ABCA13: variants seen among roughly 807,000 people sequenced by gnomAD.
ABCA13 encodes the protein ATP binding cassette subfamily A member 13.
ABCA13 carries 476 observed loss-of-function variants against 478.7 expected under a neutral mutation model. That is an observed-to-expected ratio of 0.99 (90% CI 0.92 to 1.07). ABCA13 has a LOEUF of 1.07. Ranked by LOEUF, ABCA13 falls within the 50% of genes least tolerant of loss-of-function variation. The pLI is 0.00. For synonymous variants in ABCA13, 2,252 were observed against 2,158.9 expected (o/e 1.04, Z -1.20); for missense variants, 6,060 against 5,910.6 (o/e 1.03, Z -0.83).
intron 3 of ABCA13, among the ~76,000 whole-genome samples, 157 bp downstream of exon 3, chr7:48,198,517 G>A (rs1430404667): frequency 6.6e-6 from 1 of 152,232 alleles, no homozygotes; most frequent in Admixed American, 6.5e-5. Context: ...ATATAATTCT[G>A]CCTCCAACTA....
chr7:48,511,250 GA>G, intron 51 of ABCA13, 51 bp downstream of exon 51: 1 of 1,482,076 alleles, frequency 6.7e-7, no homozygotes, highest in South Asian at 1.2e-5. Context: ...TTCTGAAAGA[GA>G]AAACCCTCAG....
rs554311920 is a variant in ABCA13 at position 48,209,933 on chromosome 7, A to C, written c.288-9421A>C. ...TCAATTTTGTGTATCTATTAAAAAA[A>C]CTTTTTGTTTCATTGATCTTTTAAA... On this transcript the variant is annotated intron_variant, in intron 3 of 61. Coordinates refer to ENST00000435803, the MANE Select transcript of ABCA13 (RefSeq NM_152701.5). Among the ~76,000 whole-genome samples the C allele has an allele frequency of 5.9e-5, 9 of 152,254 alleles. 1 individual carries two copies. The South Asian group carries it at 1.2e-3, about 21-fold the overall frequency.
chr7:48,186,397 C>T (rs905514339), intron 1 of ABCA13, among the ~76,000 whole-genome samples: 1 of 151,920 alleles, frequency 6.6e-6, no homozygotes, highest in African/African-American at 2.4e-5. Context: ...TTTGATGAGT[C>T]TTCAGTAATT....
At chr7:48,504,260 T>C (rs144990742) in intron 48 of ABCA13, among the ~76,000 whole-genome samples, 1 of 152,146 alleles carries the variant, frequency 6.6e-6, no homozygotes, top group Non-Finnish European at 1.5e-5. Flanking sequence ...AGGAGATCTG[T>C]GTCTAGGTAA....
In ABCA13 at chr7:48,509,373, GT is replaced by G. The variant is rs532031568; in HGVS notation, c.13524+1325del. On this transcript the variant is annotated intron_variant, in intron 50 of 61. Transcript: ENST00000435803. ...TCTCTCTGCCGTCTGTCATTTAACAGTGTCTAAGGGCCACAACTTTCCCAGA... is the reference window on the plus strand; with the variant it reads ...TCTCTCTGCCGTCTGTCATTTAACAGGTCTAAGGGCCACAACTTTCCCAGA... 1.7e-3 allele frequency among the ~76,000 whole-genome samples: 265 copies of G among 152,276 alleles called. 2 individuals are homozygous for G. The highest frequency in any genetic ancestry group is 6.1e-3 in the African/African-American group (253 of 41,550).
intron 55 of ABCA13, among the ~76,000 whole-genome samples, chr7:48,557,468 A>G (rs1177081740): frequency 6.6e-6 from 1 of 151,906 alleles, no homozygotes; most frequent in Non-Finnish European, 1.5e-5. Context: ...TTCACTGGAT[A>G]TACTCTTGTA....
chr7:48,488,764 A>G (rs188793973), intron 47 of ABCA13, among the ~76,000 whole-genome samples: 5 of 152,250 alleles, frequency 3.3e-5, no homozygotes, highest in Admixed American at 6.5e-5. Context: ...TTCTCTTGAC[A>G]GGCATGCTAC....
intron 6 of ABCA13, among the ~76,000 whole-genome samples, chr7:48,229,488 C>T (rs1788735557): frequency 6.6e-6 from 1 of 152,204 alleles, no homozygotes; most frequent in African/African-American, 2.4e-5. Context: ...TGGCTGGCCT[C>T]ATCAGCTGCC....
intron 2 of ABCA13, among the ~76,000 whole-genome samples, chr7:48,194,355 G>A (rs1797648442): frequency 6.6e-6 from 1 of 151,446 alleles, no homozygotes; most frequent in African/African-American, 2.4e-5. Flanking sequence ...TGATTACGAT[G>A]GAGATGATAA....
intron 55 of ABCA13, among the ~76,000 whole-genome samples, chr7:48,529,519 G>A (rs1833085439): frequency 6.6e-6 from 1 of 152,166 alleles, no homozygotes; most frequent in African/African-American, 2.4e-5. Flanking sequence ...AACAGGTTGA[G>A]ATGCGACCTC....
intron 55 of ABCA13, among the ~76,000 whole-genome samples, chr7:48,575,722 G>A (rs1788104034): frequency 6.6e-6 from 1 of 152,176 alleles, no homozygotes; most frequent in African/African-American, 2.4e-5. Flanking sequence ...AAGGTACTGA[G>A]TTGTGGCTTT....
chr7:48,362,446 A>G (rs1344457716), intron 31 of ABCA13, among the ~76,000 whole-genome samples: 1 of 24,322 alleles, frequency 4.1e-5, no homozygotes, highest in African/African-American at 1.9e-4. Context: ...TGGTGTTTCT[A>G]TTTGCTTGAT....
In ABCA13 at chr7:48,597,202, G is replaced by A. The variant is rs1020077354; in HGVS notation, c.14744+2389G>A. Among the ~76,000 whole-genome samples, 3 of 152,116 alleles carry A rather than the reference G, an allele frequency of 2.0e-5. 1 individual carries two copies. In the East Asian group the frequency reaches 5.8e-4, roughly 29 times the overall value. ...CCTGACCTTGTGATCCGCCCGCCTG[G>A]GCCTCCCAAAGTGCTGGGATTACAG... On this transcript the variant is annotated intron_variant, in intron 58 of 61. Coordinates refer to ENST00000435803, the MANE Select transcript of ABCA13 (RefSeq NM_152701.5).
chr7:48,527,008 A>G (rs1334889506), intron 54 of ABCA13, among the ~76,000 whole-genome samples: 1 of 152,208 alleles, frequency 6.6e-6, no homozygotes, highest in Non-Finnish European at 1.5e-5. Flanking sequence ...CTTTCTAAAA[A>G]GAACTGAAAG....
Position 48,520,027 on chromosome 7 carries a change from T to G in ABCA13, c.13798-14T>G. ...GCTTTTAATTGGATTTTTTTTCTTT[T>G]TTTCACTGTGCAGAATTTACAGAAT... is the stretch of plus-strand genomic sequence containing the variant. On this transcript the variant is annotated splice_polypyrimidine_tract_variant and intron_variant, in intron 52 of 61. Coordinates refer to ENST00000435803, the MANE Select transcript of ABCA13 (RefSeq NM_152701.5). 6.3e-7 allele frequency: 1 copy of G among 1,582,428 alleles called. No homozygotes were observed. Among genetic ancestry groups the G allele is most frequent in the Non-Finnish European group, 8.6e-7 (1 of 1,164,158 alleles).
intron 37 of ABCA13, 77 bp downstream of exon 37, chr7:48,389,297 T>C: frequency 6.8e-7 from 1 of 1,468,622 alleles, no homozygotes. Flanking sequence ...GACAGAAGGT[T>C]TGATTTCTTT....
chr7:48,354,500 G>T (rs1809578597), intron 31 of ABCA13, among the ~76,000 whole-genome samples: 1 of 151,998 alleles, frequency 6.6e-6, no homozygotes, highest in Admixed American at 6.5e-5. Flanking sequence ...TGAGGGACAT[G>T]GATGGAGACA....
intron 32 of ABCA13, among the ~76,000 whole-genome samples, chr7:48,368,241 A>AT (rs1811996814): frequency 6.6e-6 from 1 of 152,150 alleles, no homozygotes; most frequent in African/African-American, 2.4e-5. Context: ...TATGCTTAGA[A>AT]TTTTTTATGT....
chr7:48,586,752 G>A (rs373154925), intron 56 of ABCA13, among the ~76,000 whole-genome samples: 3 of 151,914 alleles, frequency 2.0e-5, no homozygotes, highest in East Asian at 1.9e-4. Context: ...TTTCTGCTTC[G>A]GTTGTCTTCT....
Sources: allele counts gnomAD v4.1 joint callset (sites outside exome capture counted in the v4.1 genomes callset), GRCh38; gene constraint gnomAD v4.1.1; transcripts MANE v1.5; gene names NCBI Gene and HGNC (gene_info 2026-07-23, HGNC 2026-07-21).